The following LRRC7 variants were observed in gnomAD, a reference collection of about 807,000 sequenced individuals.
The protein encoded by LRRC7 is leucine-rich repeat-containing protein 7.
In LRRC7, 23 loss-of-function variants were observed where a neutral mutation model predicts 175.7. That is an observed-to-expected ratio of 0.13 (90% confidence interval 0.09 to 0.19). The LOEUF (loss-of-function observed/expected upper bound fraction) is 0.19. Among genes scored for constraint, LRRC7 ranks in the 10% least tolerant of loss-of-function variants. LRRC7 has a pLI of 1.00. For synonymous variants in LRRC7, 685 were observed against 680.9 expected (o/e 1.01, Z -0.09); for missense variants, 1,354 against 1,904.7 (o/e 0.71, Z 5.38).
chr1:69,827,975 C>T (rs2101265261), intron 5 of LRRC7, among the ~76,000 whole-genome samples: 1 of 152,302 alleles, frequency 6.6e-6, no homozygotes, highest in South Asian at 2.1e-4. Context: ...CAGTCATCCA[C>T]TGACGATTAC....
At position 70,023,158 on chromosome 1, in the gene LRRC7, C is replaced by T. The variant is rs1657693421; in HGVS notation, c.1578C>T (p.Gly526=). ...DLSCQAPWER[G]QRGITLQPAR... ...CCTGCCAAGCCCCCTGGGAAAGGGG[C>T]CAGCGTGGGATTACTCTCCAACCTG... The change falls in exon 17 of 27, where the codon GGC becomes GGT. Residue 526 remains glycine (G), a synonymous_variant. Coordinates refer to ENST00000651989, the MANE Select transcript of LRRC7 (RefSeq NM_001370785.2). 6.8e-7 allele frequency: 1 copy of T among 1,469,388 alleles called. No homozygotes were observed. Among genetic ancestry groups the T allele is most frequent in the East Asian group, 2.5e-5 (1 of 39,810 alleles). 91.0% of individuals were successfully genotyped at this position (1,469,388 alleles called of 1,614,324 possible).
intron 7 of LRRC7, among the ~76,000 whole-genome samples, chr1:69,841,535 C>T (rs1030382378): frequency 1.3e-5 from 2 of 152,020 alleles, no homozygotes; most frequent in African/African-American, 4.8e-5. Flanking sequence ...CTGACATATA[C>T]CAAATGCATC....
At chr1:69,661,164 A>G (rs1195026777) in intron 1 of LRRC7, among the ~76,000 whole-genome samples, 2 of 150,056 alleles carry the variant, frequency 1.3e-5, no homozygotes, top group Non-Finnish European at 3.0e-5. Flanking sequence ...TTTAGAAAAA[A>G]AAGAACAAAG....
chr1:69,661,877 G>A (rs549504472), intron 1 of LRRC7, among the ~76,000 whole-genome samples: 1 of 152,192 alleles, frequency 6.6e-6, no homozygotes, highest in African/African-American at 2.4e-5. Flanking sequence ...AGGAAAGCAT[G>A]CTTTTCTTAC....
intron 8 of LRRC7, among the ~76,000 whole-genome samples, chr1:69,943,014 G>A (rs144038429): frequency 1.3e-5 from 2 of 152,176 alleles, no homozygotes; most frequent in East Asian, 3.9e-4. Flanking sequence ...ATTAGTGTTA[G>A]TATATTTTTA....
chr1:69,638,744 T>C (rs1286958363), intron 1 of LRRC7, among the ~76,000 whole-genome samples: 5 of 151,810 alleles, frequency 3.3e-5, no homozygotes, highest in African/African-American at 1.2e-4. Flanking sequence ...AGTACAATGT[T>C]CTCCACCTAA....
chr1:69,816,127 G>A (rs947356560), intron 4 of LRRC7, among the ~76,000 whole-genome samples: 1 of 151,878 alleles, frequency 6.6e-6, no homozygotes, highest in African/African-American at 2.4e-5. Context: ...AGAGGTGCCC[G>A]CCCTCACACC....
intron 22 of LRRC7, 38 bp from the exon 23 acceptor site, chr1:70,052,988 C>A (rs768977172): frequency 2.3e-5 from 36 of 1,553,642 alleles, no homozygotes; most frequent in Non-Finnish European, 3.1e-5. Context: ...TAAACTTCTA[C>A]TACATCACTA....
intron 1 of LRRC7, among the ~76,000 whole-genome samples, chr1:69,667,614 A>C (rs1658454050): frequency 6.6e-6 from 1 of 152,192 alleles, no homozygotes; most frequent in African/African-American, 2.4e-5. Context: ...TGATTTAAGT[A>C]TAGGTACTCC....
intron 7 of LRRC7, among the ~76,000 whole-genome samples, chr1:69,867,085 G>GA (rs1685030025): frequency 6.6e-6 from 1 of 152,062 alleles, no homozygotes; most frequent in South Asian, 2.1e-4. Flanking sequence ...TTAGAAATGT[G>GA]AAAAAATAGT....
chr1:69,632,360 T>C (rs1652649514), intron 1 of LRRC7, among the ~76,000 whole-genome samples: 1 of 152,204 alleles, frequency 6.6e-6, no homozygotes, highest in South Asian at 2.1e-4. Context: ...GATATATGGC[T>C]TATAAATATT....
At position 70,122,987 on chromosome 1, in the gene LRRC7, TG is replaced by T. The variant is rs1256074861; in HGVS notation, c.*1101del. 1 of 152,560 alleles carries T rather than the reference TG, an allele frequency of 6.6e-6. No individual in the cohort carries two copies. The highest frequency in any genetic ancestry group is 2.4e-5 in the African/African-American group (1 of 41,454). The allele number at this position is 152,560 out of a possible 1,614,324, so 9.5% of individuals were successfully genotyped here. A position where few individuals can be genotyped will look rare whatever the true frequency, so the allele number is the denominator to read the frequency against. ...TAATTTCTCAGAGCTGTGGTCTACCTGTATCATTAATTTCAATGGCTGTTTT... is the reference window on the plus strand; with the variant it reads ...TAATTTCTCAGAGCTGTGGTCTACCTTATCATTAATTTCAATGGCTGTTTT... On this transcript the variant is annotated 3_prime_UTR_variant, in exon 27 of 27. Coordinates refer to ENST00000651989, the MANE Select transcript of LRRC7 (RefSeq NM_001370785.2).
chr1:70,026,985 A>G (rs933741949), intron 17 of LRRC7, among the ~76,000 whole-genome samples: 1 of 152,088 alleles, frequency 6.6e-6, no homozygotes, highest in Non-Finnish European at 1.5e-5. Context: ...AGTTTCTTAC[A>G]TCCCATGAAT....
intron 2 of LRRC7, among the ~76,000 whole-genome samples, chr1:69,713,263 C>T (rs1557635119): frequency 6.6e-6 from 1 of 151,964 alleles, no homozygotes; most frequent in Non-Finnish European, 1.5e-5. Flanking sequence ...AAGCAGGAGG[C>T]TCACTTGAGC....
At chr1:70,017,828 A>C (rs1485141680) in intron 14 of LRRC7, among the ~76,000 whole-genome samples, 1 of 151,608 alleles carries the variant, frequency 6.6e-6, no homozygotes, top group Non-Finnish European at 1.5e-5. Flanking sequence ...TATCATCATA[A>C]ATAATTTCTG....
At chr1:70,060,633 A>T (rs1423039361) in intron 23 of LRRC7, among the ~76,000 whole-genome samples, 1 of 152,186 alleles carries the variant, frequency 6.6e-6, no homozygotes, top group Non-Finnish European at 1.5e-5. Flanking sequence ...AGAGTAGATC[A>T]TGAGGCTGTA....
intron 1 of LRRC7, among the ~76,000 whole-genome samples, chr1:69,597,082 T>C (rs191657186): frequency 2.1e-3 from 327 of 152,334 alleles, no homozygotes; most frequent in African/African-American, 7.7e-3. Context: ...TTCTAATATT[T>C]TCCCCTCTTA....
chr1:69,722,854 T>C (rs1666513485), intron 2 of LRRC7, among the ~76,000 whole-genome samples: 3 of 152,236 alleles, frequency 2.0e-5, no homozygotes, highest in Admixed American at 2.0e-4. Context: ...CCATATATGG[T>C]ATACACCATA....
chr1:69,723,007 A>G (rs138270826), intron 2 of LRRC7, among the ~76,000 whole-genome samples: 1 of 151,916 alleles, frequency 6.6e-6, no homozygotes, highest in Non-Finnish European at 1.5e-5. Context: ...GTTAGTTTTT[A>G]CCATCATTTT....
Sources: allele counts gnomAD v4.1 joint callset (sites outside exome capture counted in the v4.1 genomes callset), GRCh38; gene constraint gnomAD v4.1.1; transcripts MANE v1.5; gene names NCBI Gene and HGNC (gene_info 2026-07-23, HGNC 2026-07-21).